UBR2: variants seen among roughly 807,000 people sequenced by gnomAD.
The protein encoded by UBR2 is ubiquitin protein ligase E3 component n-recognin 2.
Under a neutral mutation model 247.9 loss-of-function variants are expected in UBR2, and 92 were observed. That is an observed-to-expected ratio of 0.37 (90% CI 0.31 to 0.44). UBR2 has a LOEUF of 0.44. UBR2 is among the 20% of genes least tolerant of loss of function. The pLI, the probability that UBR2 is intolerant of heterozygous loss-of-function variation, is 1.00. For missense variants in UBR2, 1,613 were observed against 2,112.6 expected (o/e 0.76, Z 4.64); for synonymous variants, 672 against 693.5 (o/e 0.97, Z 0.49).
chr6:42,567,715 C>A (rs988467605), intron 1 of UBR2, among the ~76,000 whole-genome samples: 1 of 151,832 alleles, frequency 6.6e-6, no homozygotes, highest in Admixed American at 6.6e-5. Flanking sequence ...GGTGACAGAG[C>A]GGGACCCCAT....
chr6:42,679,980 T>C, intron 42 of UBR2, 148 bp downstream of exon 42: 2 of 595,654 alleles, frequency 3.4e-6, no homozygotes, highest in Non-Finnish European at 5.7e-6. Flanking sequence ...CCTTTTGTTG[T>C]TGTTTGTTTT....
At chr6:42,612,074 A>T in intron 7 of UBR2, 97 bp from the exon 8 acceptor site, 3 of 1,163,780 alleles carry the variant, frequency 2.6e-6, no homozygotes, top group Non-Finnish European at 3.5e-6. Context: ...TCCTATGATG[A>T]TGATAGTGTG....
intron 1 of UBR2, among the ~76,000 whole-genome samples, chr6:42,570,633 T>G (rs1027144564): frequency 1.4e-4 from 21 of 152,270 alleles, no homozygotes; most frequent in African/African-American, 4.6e-4. Flanking sequence ...AGTGAAATAC[T>G]TGCTTGTTTT....
intron 11 of UBR2, among the ~76,000 whole-genome samples, chr6:42,626,351 T>C (rs899842969): frequency 4.6e-5 from 7 of 152,166 alleles, no homozygotes; most frequent in African/African-American, 7.2e-5. Context: ...GAGGGTTGTT[T>C]AGAAAGGTTT....
intron 28 of UBR2, 96 bp from the exon 29 acceptor site, chr6:42,658,550 T>G: frequency 8.0e-7 from 1 of 1,256,820 alleles, no homozygotes; most frequent in South Asian, 1.7e-5. Context: ...TATAGAATAG[T>G]TTTTTAATTG....
chr6:42,682,438 A>G (rs1799111751), intron 42 of UBR2, among the ~76,000 whole-genome samples: 2 of 152,132 alleles, frequency 1.3e-5, no homozygotes, highest in South Asian at 4.1e-4. Context: ...ACTAAAAAAA[A>G]AAATTTTTTT....
In UBR2 at chr6:42,617,418, C is replaced by T. The variant is rs539939419; in HGVS notation, c.1192C>T (p.Arg398Cys). 6.4e-5 allele frequency: 103 copies of T among 1,598,228 alleles called. No individual in the cohort carries two copies. Among genetic ancestry groups the T allele is most frequent in the Non-Finnish European group, 8.4e-5 (99 of 1,171,830 alleles). Residue 398 changes from arginine to cysteine, a missense_variant, in exon 11 of 47, where the codon CGT becomes TGT. Physicochemically the swap from Arg to Cys is radical, Grantham distance 180 (BLOSUM62 -3). Around this residue, in one of 3 missense-constraint regions of UBR2, gnomAD observed 1,524 missense variants for 1,967.3 expected, o/e 0.77. Transcript: ENST00000372901. ...TTTGCCTTCTTAATAGAACTATGAG[C>T]GTTTGCAGAGTGATTATGTGACAGA... is the stretch of plus-strand genomic sequence containing the variant. ...FAVRFAKNYE[R>C]LQSDYVTDDH...
intron 2 of UBR2, among the ~76,000 whole-genome samples, chr6:42,587,564 C>T (rs1792376815): frequency 1.3e-5 from 2 of 151,984 alleles, no homozygotes; most frequent in Non-Finnish European, 2.9e-5. Context: ...CACCGTGTTG[C>T]CAGGGCTGGT....
chr6:42,648,199 C>CT, intron 22 of UBR2, 29 bp downstream of exon 22: 1 of 1,584,762 alleles, frequency 6.3e-7, no homozygotes, highest in Non-Finnish European at 8.7e-7. Context: ...ATTTCACATT[C>CT]TTTTTTACTT....
At chr6:42,622,404 G>GTTTTTTTTTTTTTTTTTT (rs1390055587) in intron 11 of UBR2, among the ~76,000 whole-genome samples, 1 of 142,426 alleles carries the variant, frequency 7.0e-6, no homozygotes, top group African/African-American at 2.7e-5. Context: ...TTTTTTGGTG[G>GTTTTTTTTTTTTTTTTTT]GTTTTTTTTT....
chr6:42,572,487 C>G (rs1791223658), intron 1 of UBR2, among the ~76,000 whole-genome samples: 1 of 62,196 alleles, frequency 1.6e-5, no homozygotes, highest in Admixed American at 1.3e-4. Context: ...AAAAATGTAA[C>G]TGGAATTAGG....
intron 5 of UBR2, among the ~76,000 whole-genome samples, chr6:42,605,036 AC>A (rs1262469741): frequency 6.6e-6 from 1 of 151,916 alleles, no homozygotes; most frequent in Non-Finnish European, 1.5e-5. Flanking sequence ...CAAAAAAAAA[AC>A]AAAAAACAAA....
chr6:42,578,686 C>G (rs1400525550), intron 2 of UBR2, among the ~76,000 whole-genome samples: 1 of 151,900 alleles, frequency 6.6e-6, no homozygotes. Context: ...AGTTCTAGTT[C>G]CTTTTCTGTC....
chr6:42,618,869 C>A (rs1044816189), intron 11 of UBR2, among the ~76,000 whole-genome samples: 8 of 152,150 alleles, frequency 5.3e-5, no homozygotes, highest in African/African-American at 1.9e-4. Flanking sequence ...AACTGGATGT[C>A]GGGTTTGAAG....
At chr6:42,642,145 G>A (rs186221027) in intron 17 of UBR2, among the ~76,000 whole-genome samples, 1 of 152,064 alleles carries the variant, frequency 6.6e-6, no homozygotes, top group East Asian at 1.9e-4. Flanking sequence ...TTTTTCTCCT[G>A]TGTTTGGTAG....
At chr6:42,632,958 C>CTTTTT in intron 13 of UBR2, 54 bp downstream of exon 13, 3 of 645,550 alleles carry the variant, frequency 4.6e-6, no homozygotes, top group Non-Finnish European at 6.4e-6. Flanking sequence ...TCTCTTTTCT[C>CTTTTT]TTTTTTTTTT....
In UBR2 at chr6:42,672,398, A is replaced by G. The variant is rs576578172; in HGVS notation, c.4087-1393A>G. ...CAGCAGAGTCTGACAAATTCTCACCATTCCTTCTTCTACTTGTTTGGTTCA... is the reference window on the plus strand; with the variant it reads ...CAGCAGAGTCTGACAAATTCTCACCGTTCCTTCTTCTACTTGTTTGGTTCA... On this transcript the variant is annotated intron_variant, in intron 36 of 46. Coordinates refer to ENST00000372901, the MANE Select transcript of UBR2 (RefSeq NM_001363705.2). Among the ~76,000 whole-genome samples the G allele has an allele frequency of 2.0e-5, 3 of 151,726 alleles. No individual in the cohort carries two copies. In the South Asian group the frequency reaches 6.2e-4, roughly 32 times the overall value.
intron 34 of UBR2, among the ~76,000 whole-genome samples, chr6:42,667,391 C>G (rs1798167475): frequency 6.6e-6 from 1 of 151,546 alleles, no homozygotes; most frequent in Non-Finnish European, 1.5e-5. Context: ...CACACTCCCC[C>G]AGTCCTGTCA....
chr6:42,638,516 T>C (rs749711552), intron 15 of UBR2, among the ~76,000 whole-genome samples: 2 of 152,196 alleles, frequency 1.3e-5, no homozygotes, highest in African/African-American at 2.4e-5. Flanking sequence ...AATGGTACAA[T>C]AGACCATTAC....
Sources: gnomAD v4.1 joint callset for allele counts (sites outside exome capture counted in the v4.1 genomes callset) on GRCh38, gnomAD v4.1.1 for gene constraint, gnomAD v4.1.1 regional missense constraint, MANE v1.5 for transcripts, NCBI Gene and HGNC (gene_info 2026-07-23, HGNC 2026-07-21) for gene names.